Variants in SRPRB observed in about 807,000 individuals in gnomAD.
SRPRB encodes the protein SRP receptor subunit beta.
A neutral mutation model predicts 31.9 loss-of-function variants in SRPRB; 20 were observed. The observed-to-expected ratio is 0.63, with a 90% CI of 0.44 to 0.91. The LOEUF is 0.91. SRPRB is among the 40% of genes least tolerant of loss of function. The pLI is 0.00. For missense variants in SRPRB, 321 were observed against 324.9 expected (o/e 0.99, Z 0.09); for synonymous variants, 146 against 132.8 (o/e 1.10, Z -0.68).
At chr3:133,795,570 A>ATTTTTTTTTT (rs745790067) in intron 1 of SRPRB, 3 of 98,320 alleles carry the variant, frequency 3.1e-5, no homozygotes, top group Admixed American at 1.2e-4. Context: ...AAAAAGTGGA[A>ATTTTTTTTTT]TTTTTTTTTT....
intron 6 of SRPRB, among the ~76,000 whole-genome samples, chr3:133,818,996 T>C (rs902073323): frequency 6.6e-6 from 1 of 152,132 alleles, no homozygotes; most frequent in Non-Finnish European, 1.5e-5. Flanking sequence ...GAGTGTTGCT[T>C]ATGCACCCTT....
chr3:133,827,590 G>C, downstream of SRPRB: 1 of 359,050 alleles, frequency 2.8e-6, no homozygotes, highest in Non-Finnish European at 5.1e-6. Flanking sequence ...CGCAGCCACA[G>C]TAGCCACAAA....
downstream of SRPRB, chr3:133,821,548 G>C (rs1935475030): frequency 6.6e-6 from 1 of 152,102 alleles, no homozygotes. Flanking sequence ...CTTTATTGGA[G>C]GAAGCAGCAC....
At chr3:133,790,693 G>A (rs1002560350) in intron 1 of SRPRB, 3 of 152,212 alleles carry the variant, frequency 2.0e-5, no homozygotes, top group South Asian at 2.1e-4. Context: ...GCATGAAGCC[G>A]GATTTGGTGT....
chr3:133,802,230 C>T (rs1935073269), upstream of SRPRB, among the ~76,000 whole-genome samples: 1 of 151,462 alleles, frequency 6.6e-6, no homozygotes, highest in South Asian at 2.1e-4. Context: ...CAGAGAGAGA[C>T]TGTGTCTCTA....
At position 133,819,835 on chromosome 3, in the gene SRPRB, G is replaced by A; in HGVS notation, c.*69G>A. 1.4e-6 allele frequency: 2 copies of A among 1,414,282 alleles called. No individual in the cohort carries two copies. The allele number at this position is 1,414,282 out of a possible 1,614,324, so 87.6% of individuals were successfully genotyped here. On this transcript the variant is annotated 3_prime_UTR_variant, in exon 7 of 7. Transcript: ENST00000678299. The stretch of plus-strand genomic sequence containing the variant: ...TTTGGAAAAAGGTCTGTGGTAGTCT[G>A]GAGTTGATGAGGAAGGGGTACAAGA...
In SRPRB at chr3:133,815,588, A is replaced by G; in HGVS notation, c.411-2A>G. The G allele has an allele frequency of 6.2e-7, 1 of 1,613,622 alleles. No homozygotes were observed. The highest frequency in any genetic ancestry group is 1.1e-5 in the South Asian group (1 of 90,998). On this transcript the variant is annotated splice_acceptor_variant, in intron 4 of 6. Coordinates refer to ENST00000678299, the MANE Select transcript of SRPRB (RefSeq NM_001379313.1). LOFTEE classifies it high-confidence loss of function. ...CCAGTTTTTCTTGTTTTCTCCCTCC[A>G]GGGCTATTGTGTTTGTTGTGGATAG...
chr3:133,827,742 C>T (rs1431788664), downstream of SRPRB: 1 of 237,590 alleles, frequency 4.2e-6, no homozygotes, highest in African/African-American at 3.5e-5. Context: ...GTTCTGCAGA[C>T]AACACCCCCC....
intron 6 of SRPRB, among the ~76,000 whole-genome samples, chr3:133,818,726 T>C (rs1935409615): frequency 6.6e-6 from 1 of 152,058 alleles, no homozygotes; most frequent in South Asian, 2.1e-4. Flanking sequence ...CCCCAAAAGC[T>C]TTTCCCTCAA....
chr3:133,816,804 C>A, intron 5 of SRPRB, 74 bp from the exon 6 acceptor site: 1 of 1,173,110 alleles, frequency 8.5e-7, no homozygotes, highest in Non-Finnish European at 1.2e-6. Context: ...TAGGAATTTT[C>A]CTTCTGTGTA....
chr3:133,808,901 A>AG (rs1016926194), intron 3 of SRPRB, among the ~76,000 whole-genome samples: 1 of 151,032 alleles, frequency 6.6e-6, no homozygotes, highest in Non-Finnish European at 1.5e-5. Flanking sequence ...AAAAAAAAAA[A>AG]AAAATATAAG....
At chr3:133,819,499 T>C in intron 6 of SRPRB, 54 bp from the exon 7 acceptor site, 2 of 1,531,156 alleles carry the variant, frequency 1.3e-6, no homozygotes, top group South Asian at 2.3e-5. Flanking sequence ...ACTAATATGA[T>C]TTAATTGCTG....
At chr3:133,804,659 T>C (rs1213345400), upstream of SRPRB, among the ~76,000 whole-genome samples, 1 of 152,148 alleles carries the variant, frequency 6.6e-6, no homozygotes, top group African/African-American at 2.4e-5. Context: ...TGACAGTTTT[T>C]GTCATCAGGC....
At chr3:133,799,822 A>G (rs1281105859) in intron 1 of SRPRB, among the ~76,000 whole-genome samples, 2 of 152,218 alleles carry the variant, frequency 1.3e-5, no homozygotes, top group African/African-American at 4.8e-5. Flanking sequence ...ATGTGAAGGA[A>G]AAAGTGCCAT....
intron 1 of SRPRB, chr3:133,792,148 C>T (rs1013735788): frequency 6.6e-6 from 1 of 152,010 alleles, no homozygotes; most frequent in African/African-American, 2.4e-5. Flanking sequence ...CTAGATAAGG[C>T]CTGGGGACAA....
intron 1 of SRPRB, chr3:133,792,006 A>G (rs910408863): frequency 1.2e-4 from 18 of 152,248 alleles, no homozygotes; most frequent in African/African-American, 4.3e-4. Flanking sequence ...TGGTAAAATA[A>G]AAATATCTTC....
chr3:133,806,515 G>C (rs543542125), intron 1 of SRPRB, 94 bp from the exon 2 acceptor site: 3 of 931,998 alleles, frequency 3.2e-6, no homozygotes, highest in Non-Finnish European at 5.2e-6. Flanking sequence ...GAGGTGTTTC[G>C]TCACAGACTT....
chr3:133,798,599 C>T (rs1416158550), intron 1 of SRPRB, among the ~76,000 whole-genome samples: 1 of 152,068 alleles, frequency 6.6e-6, no homozygotes, highest in Non-Finnish European at 1.5e-5. Context: ...TACATTTTTT[C>T]CTAATAGATT....
chr3:133,806,993 T>C (rs1009774916), intron 2 of SRPRB, among the ~76,000 whole-genome samples: 7 of 152,170 alleles, frequency 4.6e-5, no homozygotes, highest in Admixed American at 6.5e-5. Flanking sequence ...GCAGAAGGCA[T>C]AGAAGCTAGT....
Sources: allele counts gnomAD v4.1 joint callset (sites outside exome capture counted in the v4.1 genomes callset), GRCh38; gene constraint gnomAD v4.1.1; transcripts MANE v1.5; gene names NCBI Gene and HGNC (gene_info 2026-07-23, HGNC 2026-07-21).